COL19A1: variants seen among roughly 807,000 people sequenced by gnomAD.
COL19A1 encodes collagen type XIX alpha 1 chain.
COL19A1 carries 159 observed loss-of-function variants against 190.2 expected under a neutral mutation model. That is an observed-to-expected ratio of 0.84 (90% CI 0.73 to 0.95). The LOEUF (loss-of-function observed/expected upper bound fraction) is 0.95, where lower values mean the gene tolerates loss of function less well. Among genes scored for constraint, COL19A1 ranks in the 40% least tolerant of loss-of-function variants. The pLI, the probability that COL19A1 is intolerant of heterozygous loss-of-function variation, is 0.00. For synonymous variants in COL19A1, 509 were observed against 458.9 expected (o/e 1.11, Z -1.39); for missense variants, 1,418 against 1,431.9 (o/e 0.99, Z 0.16).
intron 41 of COL19A1, among the ~76,000 whole-genome samples, chr6:70,174,635 A>G (rs1319564215): frequency 6.6e-6 from 1 of 152,152 alleles, no homozygotes; most frequent in Non-Finnish European, 1.5e-5. Context: ...AAGACACAGA[A>G]TAGGAGGGGA....
Position 70,068,453 on chromosome 6 carries a change from C to T in COL19A1, c.1201C>T (p.Pro401Ser), listed in dbSNP as rs745453987. The T allele has an allele frequency of 5.0e-6, 8 of 1,600,816 alleles. No individual in the cohort carries two copies. Among genetic ancestry groups the T allele is most frequent in the Non-Finnish European group, 6.8e-6 (8 of 1,169,250 alleles). ...CCTGGGGATACAAGGCCCCCAAGGTCCACCTGGAAAAGAGGGTCAGAGGGT... is the reference window on the plus strand; with the variant it reads ...CCTGGGGATACAAGGCCCCCAAGGTTCACCTGGAAAAGAGGGTCAGAGGGT... ...GSLGIQGPQG[P>S]PGKEGQRGRR... The change falls in exon 15 of 51, where the codon CCA (proline) becomes TCA (serine). Residue 401 changes from proline to serine, a missense_variant. By Grantham distance (74) the Pro-to-Ser change is moderately conservative. Coordinates refer to ENST00000620364, the MANE Select transcript of COL19A1 (RefSeq NM_001858.6).
At chr6:70,085,568 C>T (rs1426316626) in intron 15 of COL19A1, among the ~76,000 whole-genome samples, 1 of 152,030 alleles carries the variant, frequency 6.6e-6, no homozygotes, top group Non-Finnish European at 1.5e-5. Flanking sequence ...TAAAACCAGC[C>T]GAATATCAGG....
intron 6 of COL19A1, among the ~76,000 whole-genome samples, chr6:69,931,075 T>G (rs981298148): frequency 6.6e-6 from 1 of 152,202 alleles, no homozygotes; most frequent in Non-Finnish European, 1.5e-5. Flanking sequence ...AATGGATTAA[T>G]TTTTCATCAT....
intron 9 of COL19A1, among the ~76,000 whole-genome samples, chr6:69,948,776 G>C (rs1177864088): frequency 6.6e-6 from 1 of 151,722 alleles, no homozygotes; most frequent in East Asian, 1.9e-4. Context: ...TTTGTAGAAA[G>C]AATCTTGTGT....
intron 14 of COL19A1, among the ~76,000 whole-genome samples, chr6:70,064,848 C>T (rs1251700271): frequency 2.0e-5 from 3 of 152,214 alleles, no homozygotes; most frequent in African/African-American, 7.2e-5. Flanking sequence ...GAGTGAACTC[C>T]CATTCACAAT....
chr6:70,008,050 G>A (rs1019101443), intron 11 of COL19A1, among the ~76,000 whole-genome samples: 1 of 151,844 alleles, frequency 6.6e-6, no homozygotes, highest in Non-Finnish European at 1.5e-5. Context: ...AAGTTTAGTT[G>A]TATAGATTTA....
intron 4 of COL19A1, among the ~76,000 whole-genome samples, chr6:69,912,868 G>A (rs763915868): frequency 5.3e-5 from 8 of 152,108 alleles, no homozygotes; most frequent in South Asian, 4.1e-4. Context: ...CAGGCAGATC[G>A]CTTGAGCCCA....
chr6:69,932,670 A>G, intron 6 of COL19A1, 113 bp from the exon 7 acceptor site: 1 of 602,042 alleles, frequency 1.7e-6, no homozygotes. Context: ...ATCCACCAGT[A>G]ATTTATTTAT....
intron 11 of COL19A1, among the ~76,000 whole-genome samples, chr6:69,972,919 C>T (rs186372346): frequency 1.5e-3 from 231 of 152,254 alleles, no homozygotes; most frequent in Middle Eastern, 0.01. Context: ...CATAATTTTA[C>T]TTTCCAATTA....
chr6:69,904,579 G>T (rs918244050), intron 4 of COL19A1, among the ~76,000 whole-genome samples: 1 of 152,158 alleles, frequency 6.6e-6, no homozygotes. Flanking sequence ...CCACTACTGT[G>T]GGGGGTTCCA....
Position 70,208,542 on chromosome 6 carries a change from A to T in COL19A1, c.*1268A>T, listed in dbSNP as rs1054498924. ...CAGTCTTTCTGTTGGTTAGCTGTACATTCATTGAGGAACTGTTGATTGGCA... is the reference window on the plus strand; with the variant it reads ...CAGTCTTTCTGTTGGTTAGCTGTACTTTCATTGAGGAACTGTTGATTGGCA... On this transcript the variant is annotated 3_prime_UTR_variant, in exon 51 of 51. Transcript: ENST00000620364. 6.6e-6 allele frequency: 1 copy of T among 152,370 alleles called. No individual in the cohort carries two copies. The highest frequency in any genetic ancestry group is 6.5e-5 in the Admixed American group (1 of 15,282). The allele number at this position is 152,370 out of a possible 1,614,324, so 9.4% of individuals were successfully genotyped here.
At chr6:69,986,524 G>T (rs566774848) in intron 11 of COL19A1, among the ~76,000 whole-genome samples, 2 of 152,142 alleles carry the variant, frequency 1.3e-5, no homozygotes, top group East Asian at 3.9e-4. Flanking sequence ...TTGGGAATTT[G>T]CATTTTAATA....
At chr6:69,880,675 A>G (rs1468952608) in intron 2 of COL19A1, among the ~76,000 whole-genome samples, 1 of 152,236 alleles carries the variant, frequency 6.6e-6, no homozygotes, top group Non-Finnish European at 1.5e-5. Context: ...CATTTCCTAA[A>G]ATAATTCACA....
chr6:70,096,820 T>C (rs1274689788), intron 15 of COL19A1, among the ~76,000 whole-genome samples: 2 of 152,224 alleles, frequency 1.3e-5, no homozygotes, highest in Admixed American at 6.5e-5. Context: ...ACTGCAAACT[T>C]GGTAGAAATG....
chr6:69,886,213 A>G (rs1768922181), intron 2 of COL19A1, among the ~76,000 whole-genome samples: 2 of 152,264 alleles, frequency 1.3e-5, no homozygotes, highest in South Asian at 4.1e-4. Context: ...AAAATGTCCA[A>G]CAGGTATATG....
At chr6:70,089,924 A>G (rs1782800687) in intron 15 of COL19A1, among the ~76,000 whole-genome samples, 1 of 152,188 alleles carries the variant, frequency 6.6e-6, no homozygotes, top group Non-Finnish European at 1.5e-5. Context: ...AATATCAGAG[A>G]ATAATAGATA....
intron 49 of COL19A1, among the ~76,000 whole-genome samples, chr6:70,203,253 A>G (rs1483082611): frequency 6.6e-6 from 1 of 152,042 alleles, no homozygotes; most frequent in Non-Finnish European, 1.5e-5. Flanking sequence ...TCAGAAGGAA[A>G]CTCACATGTG....
intron 31 of COL19A1, among the ~76,000 whole-genome samples, chr6:70,153,696 A>G (rs1044517701): frequency 1.3e-5 from 2 of 152,146 alleles, no homozygotes; most frequent in African/African-American, 4.8e-5. Context: ...TTGTGTCTGC[A>G]GATAATTATC....
chr6:69,919,703 C>G (rs1227874033), intron 4 of COL19A1, among the ~76,000 whole-genome samples: 3 of 151,946 alleles, frequency 2.0e-5, no homozygotes, highest in African/African-American at 7.3e-5. Flanking sequence ...ATTTTTTATC[C>G]AACTCCATGT....
Sources: gnomAD v4.1 joint callset for allele counts (sites outside exome capture counted in the v4.1 genomes callset) on GRCh38, gnomAD v4.1.1 for gene constraint, MANE v1.5 for transcripts, NCBI Gene and HGNC (gene_info 2026-07-23, HGNC 2026-07-21) for gene names.